ETS1: variants seen among roughly 807,000 people sequenced by gnomAD.
ETS1 encodes ETS proto-oncogene 1, transcription factor, also known as protein C-ets-1.
Under a neutral mutation model 58.6 loss-of-function variants are expected in ETS1, and 15 were observed. The observed-to-expected ratio is 0.26, with a 90% confidence interval of 0.17 to 0.39. The LOEUF (loss-of-function observed/expected upper bound fraction) is 0.39. ETS1 is among the 10% of genes least tolerant of loss of function. The pLI is 1.00. For missense variants in ETS1, 417 were observed against 610.5 expected, an observed-to-expected ratio of 0.68 and a Z score of 3.34; for synonymous variants, 214 against 218.2, an observed-to-expected ratio of 0.98 and a Z score of 0.17.
intron 3 of ETS1, among the ~76,000 whole-genome samples, chr11:128,525,619 G>GAAAAAAAAAAAAAAAAAA (rs10554000): frequency 2.6e-5 from 2 of 75,818 alleles, no homozygotes; most frequent in African/African-American, 4.9e-5. Context: ...GTAAGATTTA[G>GAAAAAAAAAAAAAAAAAA]AAAAAAAAAA....
At chr11:128,483,041 A>G (rs1862533064) in intron 7 of ETS1, among the ~76,000 whole-genome samples, 1 of 152,244 alleles carries the variant, frequency 6.6e-6, no homozygotes, top group South Asian at 2.1e-4. Context: ...TAGACCAATC[A>G]CAGCATCTCA....
chr11:128,506,139 C>T (rs1318211945), intron 3 of ETS1, among the ~76,000 whole-genome samples: 2 of 152,150 alleles, frequency 1.3e-5, no homozygotes, highest in African/African-American at 4.8e-5. Context: ...GAAAGAGCTA[C>T]TGACTGCTCA....
chr11:128,462,711 T>C (rs773625706), intron 9 of ETS1, 135 bp from the exon 10 acceptor site: 89 of 676,212 alleles, frequency 1.3e-4, no homozygotes, highest in Non-Finnish European at 2.1e-4. Flanking sequence ...TTGAGATTCA[T>C]GTAGATATAG....
intron 3 of ETS1, among the ~76,000 whole-genome samples, chr11:128,517,798 C>T (rs915381515): frequency 2.0e-5 from 3 of 152,102 alleles, no homozygotes; most frequent in East Asian, 1.9e-4. Context: ...AGGTTGACCA[C>T]GAGCTGGTTT....
At chr11:128,542,444 C>T (rs1468557190) in intron 3 of ETS1, among the ~76,000 whole-genome samples, 1 of 152,172 alleles carries the variant, frequency 6.6e-6, no homozygotes, top group Non-Finnish European at 1.5e-5. Context: ...GCTGACTCTT[C>T]TACTGGACTT....
intron 3 of ETS1, among the ~76,000 whole-genome samples, chr11:128,499,512 G>T (rs1448317630): frequency 4.6e-5 from 7 of 152,202 alleles, no homozygotes. Context: ...AACCAGTAAA[G>T]TGATATAACA....
At position 128,544,038 on chromosome 11, in the gene ETS1, C is replaced by T. The variant is rs145898764; in HGVS notation, c.214+12253G>A. Among the ~76,000 whole-genome samples the T allele has an allele frequency of 4.4e-3, 672 of 152,078 alleles. 6 individuals carry two copies. The highest frequency in any genetic ancestry group is 0.012 in the African/African-American group (514 of 41,490). On this transcript the variant is annotated intron_variant, in intron 3 of 9. Coordinates refer to ENST00000392668, the MANE Select transcript of ETS1 (RefSeq NM_001143820.2). ...TCCAACTCACTGCTCACCTGAAGCT[C>T]AATGTCTATGAAAGATAAATGAAAA... is the stretch of plus-strand genomic sequence containing the variant.
chr11:128,465,146 G>T (rs1565364061), intron 8 of ETS1, among the ~76,000 whole-genome samples: 2 of 152,162 alleles, frequency 1.3e-5, no homozygotes, highest in South Asian at 4.1e-4. Flanking sequence ...CTTCCTAATG[G>T]TGGTTTCCAA....
chr11:128,526,585 C>T lies in ETS1; in HGVS notation c.214+29706G>A, dbSNP rs539078961. On this transcript the variant is annotated intron_variant, in intron 3 of 9. Coordinates refer to ENST00000392668, the MANE Select transcript of ETS1 (RefSeq NM_001143820.2). ...CTCAATTTTCCTGAACGATCTCCAG[C>T]GAGAGATAGAACAACTATCACCACA... The T allele has an allele frequency of 1.6e-4, 39 of 240,604 alleles. No individual in the cohort carries two copies. In the East Asian group the frequency reaches 2.6e-3, roughly 16 times the overall value. The allele number at this position is 240,604 out of a possible 1,614,324, so 14.9% of individuals were successfully genotyped here. A position where few individuals can be genotyped will look rare whatever the true frequency, so the allele number is the denominator to read the frequency against.
At position 128,489,417 on chromosome 11, in the gene ETS1, A is replaced by C. The variant is rs752371038; in HGVS notation, c.408T>G (p.Gly136=). The C allele has an allele frequency of 1.2e-6, 2 of 1,614,096 alleles. No homozygotes were observed. The highest frequency in any genetic ancestry group is 1.7e-6 in the Non-Finnish European group (2 of 1,179,996). ...MWAVNEFSLK[G]VDFQKFCMNG... ...TCATACAGAACTTCTGGAAGTCTAC[A>C]CCTTTCAGGCTGAATTCATTCACAG... The change falls in exon 5 of 10, where the codon GGT becomes GGG. Residue 136 remains glycine (G), a synonymous_variant. Transcript: ENST00000392668.
intron 8 of ETS1, among the ~76,000 whole-genome samples, chr11:128,468,619 A>G (rs1045293309): frequency 4.6e-5 from 7 of 152,152 alleles, no homozygotes; most frequent in African/African-American, 1.7e-4. Flanking sequence ...TGAGAGGAGA[A>G]CACAGGAGTT....
chr11:128,585,021 AAGAAAGAAAGAAAAG>A (rs1864959349), intron 1 of ETS1, among the ~76,000 whole-genome samples: 2 of 14,592 alleles, frequency 1.4e-4, no homozygotes, highest in South Asian at 1.8e-3. Context: ...GGAAAGAAAG[AAGAAAGAAAGAAAAG>A]AAAGAAAGAA....
chr11:128,521,920 G>A (rs897817872), intron 3 of ETS1: 3 of 1,599,660 alleles, frequency 1.9e-6, no homozygotes, highest in Non-Finnish European at 1.7e-6. Flanking sequence ...CACCCGGGGA[G>A]GGGAAAAGCT....
chr11:128,503,301 G>A (rs1054004219), intron 3 of ETS1, among the ~76,000 whole-genome samples: 1 of 152,218 alleles, frequency 6.6e-6, no homozygotes, highest in Non-Finnish European at 1.5e-5. Context: ...CACAGAGCAG[G>A]CACATGCTGG....
intron 1 of ETS1, among the ~76,000 whole-genome samples, chr11:128,581,899 A>G (rs758766404): frequency 8.5e-5 from 13 of 152,232 alleles, no homozygotes; most frequent in African/African-American, 1.2e-4. Context: ...GGGACTGGAT[A>G]GTTGCAATAA....
At chr11:128,569,812 C>T (rs1354093812) in intron 2 of ETS1, among the ~76,000 whole-genome samples, 1 of 152,206 alleles carries the variant, frequency 6.6e-6, no homozygotes, top group African/African-American at 2.4e-5. Context: ...AACTGAGGCC[C>T]AGAGAGAAGT....
rs1861839982 is a variant in ETS1 at position 128,459,090 on chromosome 11, A to G, written c.*3271T>C. ...AAGTTGGAAAATAGTCAAACACAAT[A>G]TAACATCTTTTTCATCCCTATACTT... On this transcript the variant is annotated 3_prime_UTR_variant, in exon 10 of 10. Coordinates refer to ENST00000392668, the MANE Select transcript of ETS1 (RefSeq NM_001143820.2). The G allele has an allele frequency of 6.6e-6, 1 of 151,994 alleles. No individual in the cohort carries two copies. Among genetic ancestry groups the G allele is most frequent in the African/African-American group, 2.4e-5 (1 of 41,362 alleles). The allele number at this position is 151,994 out of a possible 1,614,324, so 9.4% of individuals were successfully genotyped here. A position where few individuals can be genotyped will look rare whatever the true frequency, so the allele number is the denominator to read the frequency against.
intron 1 of ETS1, among the ~76,000 whole-genome samples, chr11:128,585,348 C>CAAGGAAGGAAGG (rs973321049): frequency 4.4e-5 from 5 of 113,104 alleles, no homozygotes; most frequent in African/African-American, 1.4e-4. Context: ...AGGAAGGAAG[C>CAAGGAAGGAAGG]AAGGAAGGAA....
chr11:128,540,983 C>G (rs1005976607), intron 3 of ETS1, among the ~76,000 whole-genome samples: 3 of 152,212 alleles, frequency 2.0e-5, no homozygotes, highest in African/African-American at 7.2e-5. Context: ...CAACCCCTTT[C>G]CAAATCGAGC....
Sources: gnomAD v4.1 joint callset for allele counts (sites outside exome capture counted in the v4.1 genomes callset) on GRCh38, gnomAD v4.1.1 for gene constraint, MANE v1.5 for transcripts, NCBI Gene and HGNC (gene_info 2026-07-23, HGNC 2026-07-21) for gene names.